The following SGCD variants were observed in gnomAD, a reference collection of about 807,000 sequenced individuals.
The protein encoded by SGCD is delta-sarcoglycan.
Under a neutral mutation model 36.6 loss-of-function variants are expected in SGCD, and 18 were observed. The observed-to-expected ratio is 0.49, with a 90% CI of 0.34 to 0.73. SGCD has a LOEUF of 0.73. SGCD is among the 30% of genes least tolerant of loss of function. SGCD has a pLI of 0.01. For synonymous variants in SGCD, 133 were observed against 130.6 expected (o/e 1.02, Z -0.12); for missense variants, 387 against 346.7 (o/e 1.12, Z -0.92).
the SGCD span, among the ~76,000 whole-genome samples, chr5:155,839,077 T>C: frequency 1.3e-5 from 2 of 150,220 alleles, no homozygotes; most frequent in Non-Finnish European, 3.0e-5. Flanking sequence ...TACATTCTTG[T>C]GAGACTTTAG....
intron 1 of SGCD, among the ~76,000 whole-genome samples, chr5:155,877,423 G>A (rs776996772): frequency 6.6e-6 from 1 of 152,126 alleles, no homozygotes; most frequent in Non-Finnish European, 1.5e-5. Flanking sequence ...TATGGACAAT[G>A]TGAGCAGTTT....
chr5:156,467,243 A>T (rs1754757957), intron 3 of SGCD, among the ~76,000 whole-genome samples: 1 of 152,238 alleles, frequency 6.6e-6, no homozygotes, highest in Admixed American at 6.5e-5. Context: ...TAGTATTGAA[A>T]AGAATTTTAG....
At chr5:155,829,186 G>T in the SGCD span, among the ~76,000 whole-genome samples, 1 of 152,020 alleles carries the variant, frequency 6.6e-6, no homozygotes, top group Non-Finnish European at 1.5e-5. Context: ...TCCTAGTCCT[G>T]GGGGCAGGAT....
intron 3 of SGCD, among the ~76,000 whole-genome samples, chr5:156,362,244 T>C (rs1462136243): frequency 6.6e-6 from 1 of 152,232 alleles, no homozygotes; most frequent in Non-Finnish European, 1.5e-5. Context: ...CTGATTTGTA[T>C]GGTGTGATGC....
intron 3 of SGCD, among the ~76,000 whole-genome samples, chr5:156,130,527 G>T (rs560475203): frequency 1.3e-5 from 2 of 152,044 alleles, no homozygotes; most frequent in African/African-American, 4.8e-5. Flanking sequence ...CTTTTGTTAT[G>T]ATTGCTTTTA....
rs557527104 is a variant in SGCD at position 156,240,153 on chromosome 5, T to C, written c.-43-89381T>C. 5.9e-5 allele frequency among the ~76,000 whole-genome samples: 9 copies of C among 152,298 alleles called. No homozygotes were observed. The East Asian group carries it at 1.5e-3, about 26-fold the overall frequency. On this transcript the variant is annotated intron_variant, in intron 3 of 9. Coordinates refer to the SGCD transcript ENST00000517913. ...TCTTTTTAACATGGTAGAATTATTT[T>C]AGTGTAATGTGTGGGACAAACAAAG...
chr5:156,382,864 C>A (rs1771057892), intron 3 of SGCD, among the ~76,000 whole-genome samples: 1 of 152,094 alleles, frequency 6.6e-6, no homozygotes, highest in Non-Finnish European at 1.5e-5. Flanking sequence ...CTGGGCATTC[C>A]AGGTTTTTCC....
At chr5:156,467,000 T>A (rs189396553) in intron 3 of SGCD, among the ~76,000 whole-genome samples, 5 of 152,244 alleles carry the variant, frequency 3.3e-5, no homozygotes, top group African/African-American at 1.2e-4. Context: ...ATGTTGAAGG[T>A]TGATAAACAT....
chr5:156,505,450 T>C (rs1756655053), intron 3 of SGCD, among the ~76,000 whole-genome samples: 1 of 152,230 alleles, frequency 6.6e-6, no homozygotes, highest in African/African-American at 2.4e-5. Flanking sequence ...GCATCCATAC[T>C]GAACGTGTTG....
intron 7 of SGCD, among the ~76,000 whole-genome samples, chr5:156,743,197 C>T (rs1303400402): frequency 2.6e-5 from 4 of 151,560 alleles, no homozygotes; most frequent in Non-Finnish European, 2.9e-5. Context: ...CTGCAACCTC[C>T]GCCTCCTGGG....
intron 3 of SGCD, among the ~76,000 whole-genome samples, chr5:156,505,144 G>T (rs1442912054): frequency 6.6e-6 from 1 of 152,292 alleles, no homozygotes; most frequent in East Asian, 1.9e-4. Flanking sequence ...GGGAGGGTTC[G>T]AGGTGCCTTT....
At chr5:156,084,915 C>T (rs911977960) in intron 1 of SGCD, among the ~76,000 whole-genome samples, 3 of 152,154 alleles carry the variant, frequency 2.0e-5, no homozygotes, top group Non-Finnish European at 4.4e-5. Context: ...CACATTTGGA[C>T]AAGTGCTTTT....
At position 155,893,804 on chromosome 5, in the gene SGCD, G is replaced by A. The variant is rs546981031; in HGVS notation, c.-282+23380G>A. ...ATTTCGTTGTTGTGCTAACATAATA[G>A]AGTGTACTTACACAAACCTAGATGG... On this transcript the variant is annotated intron_variant, in intron 1 of 9. Transcript: ENST00000517913. Among the ~76,000 whole-genome samples, 18 of 152,330 alleles carry A rather than the reference G, an allele frequency of 1.2e-4. No homozygotes were observed. In the South Asian group the frequency reaches 3.3e-3, roughly 28 times the overall value.
rs114490158 is a variant in SGCD at position 156,706,038 on chromosome 5, C to T, written c.576-51543C>T. Among the ~76,000 whole-genome samples the T allele has an allele frequency of 3.0e-3, 458 of 152,010 alleles. 4 individuals carry two copies. The highest frequency in any genetic ancestry group is 0.011 in the African/African-American group (443 of 41,466). On this transcript the variant is annotated intron_variant, in intron 7 of 8. Coordinates refer to ENST00000337851, the MANE Select transcript of SGCD (RefSeq NM_000337.6). ...AGTCACTTGAAAGATAAATTTAAACCCTTACTATTTTCTTGCTCATCTCTA... is the reference window on the plus strand; with the variant it reads ...AGTCACTTGAAAGATAAATTTAAACTCTTACTATTTTCTTGCTCATCTCTA...
chr5:156,477,871 A>G (rs1394125870), intron 3 of SGCD, among the ~76,000 whole-genome samples: 2 of 152,142 alleles, frequency 1.3e-5, no homozygotes, highest in African/African-American at 4.8e-5. Context: ...ATTCTCTGGA[A>G]TGTGGGTTCC....
intron 1 of SGCD, among the ~76,000 whole-genome samples, chr5:156,091,845 T>G (rs2127594400): frequency 6.6e-6 from 1 of 152,360 alleles, no homozygotes; most frequent in East Asian, 1.9e-4. Context: ...GGCTAAATTT[T>G]TATGCTTCCT....
At chr5:156,106,440 G>A (rs1001106600) in intron 1 of SGCD, among the ~76,000 whole-genome samples, 1 of 152,166 alleles carries the variant, frequency 6.6e-6, no homozygotes, top group Non-Finnish European at 1.5e-5. Flanking sequence ...TGTGAAGCAG[G>A]TGTGTTTTGT....
rs561195874 is a variant in SGCD at position 156,433,629 on chromosome 5, A to T, written c.193-74972A>T. Among the ~76,000 whole-genome samples the T allele has an allele frequency of 6.2e-4, 94 of 152,320 alleles. No individual in the cohort carries two copies. The Middle Eastern group carries it at 0.014, about 22-fold the overall frequency. ...GATGGCAAATCTAAAATCATTTTGA[A>T]CAGCTAAAAGGGGCTTACATCAGTT... On this transcript the variant is annotated intron_variant, in intron 3 of 8. Coordinates refer to ENST00000337851, the MANE Select transcript of SGCD (RefSeq NM_000337.6).
At chr5:156,530,421 G>A (rs548740780) in intron 4 of SGCD, among the ~76,000 whole-genome samples, 26 of 152,266 alleles carry the variant, frequency 1.7e-4, no homozygotes, top group African/African-American at 4.6e-4. Flanking sequence ...TATAGTTCCC[G>A]TATTTATGGC....
Sources: allele counts gnomAD v4.1 joint callset (sites outside exome capture counted in the v4.1 genomes callset), GRCh38; gene constraint gnomAD v4.1.1; transcripts MANE v1.5; gene names NCBI Gene and HGNC (gene_info 2026-07-23, HGNC 2026-07-21).